The following MAP3K2 variants were observed in gnomAD, a reference collection of about 807,000 sequenced individuals.
MAP3K2 encodes the protein MAP/ERK kinase kinase 2.
A neutral mutation model predicts 80.3 loss-of-function variants in MAP3K2; 24 were observed. The observed-to-expected ratio is 0.30, with a 90% CI of 0.22 to 0.42. The LOEUF (loss-of-function observed/expected upper bound fraction) is 0.42. Ranked by LOEUF, MAP3K2 falls within the 10% of genes least tolerant of loss-of-function variation. The pLI, the probability that MAP3K2 is intolerant of heterozygous loss-of-function variation, is 1.00. For synonymous variants in MAP3K2, 244 were observed against 253.7 expected, an observed-to-expected ratio of 0.96 and a Z score of 0.36; for missense variants, 608 against 750.1, an observed-to-expected ratio of 0.81 and a Z score of 2.21.
rs930092740 is a variant in MAP3K2 at position 127,300,650 on chromosome 2, A to G, written c.*6929T>C. The G allele has an allele frequency of 1.3e-5, 2 of 152,194 alleles. No homozygotes were observed. Among genetic ancestry groups the G allele is most frequent in the African/African-American group, 4.8e-5 (2 of 41,454 alleles). 9.4% of individuals were successfully genotyped at this position (152,194 alleles called of 1,614,324 possible). A position where few individuals can be genotyped will look rare whatever the true frequency, so the allele number is the denominator to read the frequency against. Reference sequence around the variant, plus strand: ...AAATTTTAAAACCAATAACAATAGAAAAAATGTAAACCATTTACTAATTAA... The same window carrying G: ...AAATTTTAAAACCAATAACAATAGAGAAAATGTAAACCATTTACTAATTAA... On this transcript the variant is annotated 3_prime_UTR_variant, in exon 17 of 17. Coordinates refer to ENST00000682094, the MANE Select transcript of MAP3K2 (RefSeq NM_001371910.2).
At chr2:127,360,579 T>C (rs1278694699) in intron 1 of MAP3K2, among the ~76,000 whole-genome samples, 1 of 152,224 alleles carries the variant, frequency 6.6e-6, no homozygotes, top group Non-Finnish European at 1.5e-5. Flanking sequence ...ATGTGCAGTT[T>C]ATTGTATGTT....
chr2:127,349,033 G>A (rs1356436048), intron 1 of MAP3K2, among the ~76,000 whole-genome samples: 2 of 152,060 alleles, frequency 1.3e-5, no homozygotes, highest in African/African-American at 2.4e-5. Flanking sequence ...TGTAAGCACT[G>A]ACAACTTTAA....
At chr2:127,382,699 T>A (rs1244879041) in intron 1 of MAP3K2, among the ~76,000 whole-genome samples, 1 of 152,230 alleles carries the variant, frequency 6.6e-6, no homozygotes, top group Non-Finnish European at 1.5e-5. Context: ...CTAATTTTTG[T>A]ATTTTTAGTA....
At chr2:127,388,093 T>A, upstream of MAP3K2, 1 of 983,808 alleles carries the variant, frequency 1.0e-6, no homozygotes, top group South Asian at 4.7e-5. Context: ...GGTCGGCGCC[T>A]GCGCAGAGGC....
intron 1 of MAP3K2, among the ~76,000 whole-genome samples, chr2:127,371,334 TACA>T (rs1227201395): frequency 4.6e-5 from 7 of 152,186 alleles, no homozygotes; most frequent in South Asian, 2.1e-4. Context: ...CATGCCGATG[TACA>T]ACAACTAATT....
chr2:127,343,245 G>T, intron 1 of MAP3K2, 51 bp from the exon 2 acceptor site: 1 of 712,040 alleles, frequency 1.4e-6, no homozygotes, highest in Non-Finnish European at 2.3e-6. Flanking sequence ...CAGAAAAGGA[G>T]CCAGGAAAAG....
chr2:127,326,962 T>C, intron 7 of MAP3K2, 145 bp from the exon 8 acceptor site: 1 of 520,564 alleles, frequency 1.9e-6, no homozygotes, highest in Non-Finnish European at 3.3e-6. Context: ...GAACATTCAT[T>C]TGTAAATCTT....
At chr2:127,388,213 G>C, upstream of MAP3K2, 2 of 985,318 alleles carry the variant, frequency 2.0e-6, no homozygotes, top group Non-Finnish European at 2.4e-6. Flanking sequence ...CCCCGGGGCA[G>C]CCTGTGCTGT....
chr2:127,342,234 G>A (rs1175164153), intron 2 of MAP3K2, among the ~76,000 whole-genome samples: 1 of 152,168 alleles, frequency 6.6e-6, no homozygotes, highest in East Asian at 1.9e-4. Flanking sequence ...CTACAAGGGG[G>A]CACTGCTACT....
intron 1 of MAP3K2, among the ~76,000 whole-genome samples, chr2:127,350,513 A>C (rs1336655918): frequency 6.6e-6 from 1 of 151,814 alleles, no homozygotes; most frequent in Non-Finnish European, 1.5e-5. Context: ...AAGATAAACA[A>C]ATAAATCAAC....
chr2:127,368,855 C>A (rs1260503660), intron 1 of MAP3K2, among the ~76,000 whole-genome samples: 1 of 152,014 alleles, frequency 6.6e-6, no homozygotes, highest in Non-Finnish European at 1.5e-5. Context: ...AAACAAACCT[C>A]CCGCCTCAGC....
chr2:127,306,805 ATTTC>A lies in MAP3K2; in HGVS notation c.*770_*773del, dbSNP rs1432633210. The A allele has an allele frequency of 1.3e-5, 2 of 151,570 alleles. No homozygotes were observed. Among genetic ancestry groups the A allele is most frequent in the Admixed American group, 1.3e-4 (2 of 15,190 alleles). 9.4% of individuals were successfully genotyped at this position (151,570 alleles called of 1,614,324 possible). A position where few individuals can be genotyped will look rare whatever the true frequency, so the allele number is the denominator to read the frequency against. The stretch of plus-strand genomic sequence containing the variant: ...TAAGAGTGATGTCCTTTTGTCTTTT[ATTTC>A]TATTTGCTCACAACTTGACTTTAAA... On this transcript the variant is annotated 3_prime_UTR_variant, in exon 17 of 17. Coordinates refer to ENST00000682094, the MANE Select transcript of MAP3K2 (RefSeq NM_001371910.2). This position sits in a 1 kb window ranked among gnomAD's most constrained non-coding sequence, Gnocchi z 4.7.
intron 15 of MAP3K2, 50 bp downstream of exon 15, chr2:127,314,704 A>G: frequency 7.1e-7 from 1 of 1,412,772 alleles, no homozygotes; most frequent in Non-Finnish European, 9.8e-7. Context: ...TGTTTCATTC[A>G]CATTCACTAA....
chr2:127,320,752 A>G (rs1292037654), intron 12 of MAP3K2, among the ~76,000 whole-genome samples: 1 of 152,212 alleles, frequency 6.6e-6, no homozygotes, highest in Non-Finnish European at 1.5e-5. Flanking sequence ...ATATGGAGGA[A>G]CAAAGATAAG....
intron 1 of MAP3K2, among the ~76,000 whole-genome samples, chr2:127,349,932 T>C (rs1462397468): frequency 6.6e-6 from 1 of 152,088 alleles, no homozygotes; most frequent in Non-Finnish European, 1.5e-5. Context: ...TGATGTGCAG[T>C]GGTACTATCA....
intron 1 of MAP3K2, among the ~76,000 whole-genome samples, chr2:127,362,070 A>G (rs1022988284): frequency 6.6e-5 from 10 of 152,178 alleles, no homozygotes; most frequent in African/African-American, 2.2e-4. Context: ...TTACTCAGAC[A>G]ATATATTTGT....
intron 8 of MAP3K2, 131 bp downstream of exon 8, chr2:127,326,556 A>G (rs967510632): frequency 1.9e-4 from 110 of 571,200 alleles, no homozygotes; most frequent in Non-Finnish European, 2.7e-4. Flanking sequence ...TATTTTTTCT[A>G]TTTTGTTCAG....
chr2:127,387,198 G>A (rs1233643001), intron 1 of MAP3K2, among the ~76,000 whole-genome samples: 2 of 152,118 alleles, frequency 1.3e-5, no homozygotes, highest in African/African-American at 4.8e-5. Flanking sequence ...AATCTCTGCA[G>A]GGTACGTGTC....
upstream of MAP3K2, chr2:127,388,343 G>A (rs1398936428): frequency 8.1e-6 from 8 of 985,414 alleles, no homozygotes; most frequent in African/African-American, 1.2e-4. Context: ...CAGGGCCCAA[G>A]GGTAGCAGAG....
Sources: allele counts gnomAD v4.1 joint callset (sites outside exome capture counted in the v4.1 genomes callset), GRCh38; gene constraint gnomAD v4.1.1; non-coding constraint Gnocchi (gnomAD v3.1); transcripts MANE v1.5; gene names NCBI Gene and HGNC (gene_info 2026-07-23, HGNC 2026-07-21).